The following NCKAP5 variants were observed in gnomAD, a reference collection of about 807,000 sequenced individuals.
The protein encoded by NCKAP5 is nck-associated protein 5.
A neutral mutation model predicts 167.0 loss-of-function variants in NCKAP5; 92 were observed. That is an observed-to-expected ratio of 0.55 (90% CI 0.47 to 0.66). The LOEUF (loss-of-function observed/expected upper bound fraction) is 0.66. NCKAP5 is among the 30% of genes least tolerant of loss of function. The pLI is 0.00. For synonymous variants in NCKAP5, 891 were observed against 877.4 expected (o/e 1.02, Z -0.27); for missense variants, 2,378 against 2,315.0 (o/e 1.03, Z -0.56).
At chr2:132,951,386 G>T (rs186115141) in intron 8 of NCKAP5, among the ~76,000 whole-genome samples, 44 of 152,270 alleles carry the variant, frequency 2.9e-4, no homozygotes, top group African/African-American at 9.4e-4. Flanking sequence ...TGAAACAGGA[G>T]TAATTACCAA....
intron 17 of NCKAP5, among the ~76,000 whole-genome samples, chr2:132,731,300 C>A (rs991536640): frequency 5.9e-5 from 9 of 152,176 alleles, no homozygotes; most frequent in African/African-American, 2.2e-4. Flanking sequence ...CAAACTATGT[C>A]TTTTATAGTT....
chr2:133,271,775 T>C (rs1015426707), intron 4 of NCKAP5, among the ~76,000 whole-genome samples: 6 of 152,190 alleles, frequency 3.9e-5, no homozygotes, highest in Non-Finnish European at 7.3e-5. Context: ...TATTAGCTGA[T>C]ATAATAGAAT....
At chr2:132,834,786 C>T (rs11891875) in intron 11 of NCKAP5, among the ~76,000 whole-genome samples, 4,591 of 152,218 alleles carry the variant, frequency 0.03, 225 homozygotes, top group African/African-American at 0.1. Flanking sequence ...CTACCACACC[C>T]GGTCTGAATG....
At chr2:133,636,175 T>G in the NCKAP5 span, among the ~76,000 whole-genome samples, 4 of 152,170 alleles carry the variant, frequency 2.6e-5, no homozygotes, top group Non-Finnish European at 4.4e-5. Flanking sequence ...AGGACAAGAA[T>G]AGTCATGAGG....
At chr2:133,041,854 A>AT (rs1024946231) in intron 6 of NCKAP5, among the ~76,000 whole-genome samples, 5 of 152,208 alleles carry the variant, frequency 3.3e-5, no homozygotes, top group African/African-American at 7.2e-5. Flanking sequence ...AACAATGTAC[A>AT]TTTTTTGTAA....
intron 3 of NCKAP5, among the ~76,000 whole-genome samples, chr2:133,368,225 T>C (rs1187164200): frequency 6.6e-6 from 1 of 152,234 alleles, no homozygotes; most frequent in Non-Finnish European, 1.5e-5. Context: ...AGTGAAAATA[T>C]GTCCACCTTA....
rs767227452 is a variant in NCKAP5, at chr2:132,725,724, G to T, written c.5616C>A (p.Ser1872Arg). The T allele has an allele frequency of 3.1e-6, 5 of 1,613,538 alleles. No homozygotes were observed. Among genetic ancestry groups the T allele is most frequent in the Non-Finnish European group, 3.4e-6 (4 of 1,179,732 alleles). Reference protein sequence around the residue: ...KAPRMCTYSASGGSNSDSDLD... With the variant: ...KAPRMCTYSARGGSNSDSDLD... The stretch of plus-strand genomic sequence containing the variant: ...GGTCACTGTCACTATTACTGCCACC[G>T]CTGGCAGAGTACGTACACATTCTGG... The change falls in exon 19 of 20, where the codon AGC (serine) becomes AGA (arginine). Residue 1872 changes from serine to arginine, a missense_variant. Ser to Arg is a moderately radical substitution (Grantham distance 110). Transcript: ENST00000409261.
chr2:133,592,215 T>A, the NCKAP5 span, among the ~76,000 whole-genome samples: 1 of 152,174 alleles, frequency 6.6e-6, no homozygotes, highest in African/African-American at 2.4e-5. Context: ...AGTTCAGGTG[T>A]TTTCAAACCC....
At chr2:133,224,486 T>A (rs776694422) in intron 4 of NCKAP5, among the ~76,000 whole-genome samples, 1 of 152,226 alleles carries the variant, frequency 6.6e-6, no homozygotes, top group Non-Finnish European at 1.5e-5. Context: ...ACTACAACAG[T>A]CATATGTGTA....
chr2:133,447,118 G>A (rs1454688491), intron 3 of NCKAP5, among the ~76,000 whole-genome samples: 20 of 152,120 alleles, frequency 1.3e-4, no homozygotes, highest in Admixed American at 1.2e-3. Context: ...GGCTTCATGG[G>A]AGGAACACAC....
chr2:133,228,425 G>C (rs1387096528), intron 4 of NCKAP5, among the ~76,000 whole-genome samples: 1 of 151,976 alleles, frequency 6.6e-6, no homozygotes, highest in African/African-American at 2.4e-5. Flanking sequence ...TACTAACATT[G>C]AGCCTACATC....
chr2:132,789,269 G>T (rs1683853098), intron 13 of NCKAP5, among the ~76,000 whole-genome samples: 1 of 152,200 alleles, frequency 6.6e-6, no homozygotes, highest in Non-Finnish European at 1.5e-5. Context: ...TGTCCAGTCT[G>T]TTCCAAACCA....
intron 19 of NCKAP5, among the ~76,000 whole-genome samples, chr2:132,678,993 T>G (rs1228801019): frequency 6.6e-6 from 1 of 152,148 alleles, no homozygotes; most frequent in East Asian, 1.9e-4. Context: ...CGTCTATTAT[T>G]GGAATTTGAG....
chr2:132,895,136 C>T (rs1271329070), intron 8 of NCKAP5, among the ~76,000 whole-genome samples: 8 of 151,914 alleles, frequency 5.3e-5, no homozygotes, highest in African/African-American at 1.7e-4. Flanking sequence ...TGGAGACCTT[C>T]CTGGCTAACA....
At chr2:132,942,353 C>T (rs1185206198) in intron 8 of NCKAP5, among the ~76,000 whole-genome samples, 1 of 151,904 alleles carries the variant, frequency 6.6e-6, no homozygotes, top group African/African-American at 2.4e-5. Flanking sequence ...CTCTCCAGGT[C>T]TCTGATTCTG....
At chr2:132,810,324 T>C (rs998693489) in intron 11 of NCKAP5, among the ~76,000 whole-genome samples, 2 of 152,232 alleles carry the variant, frequency 1.3e-5, no homozygotes, top group Non-Finnish European at 2.9e-5. Context: ...AGGTCTCTAG[T>C]GAGGCCAGGA....
the NCKAP5 span, among the ~76,000 whole-genome samples, chr2:133,673,280 G>A: frequency 2.6e-5 from 4 of 152,094 alleles, no homozygotes; most frequent in Non-Finnish European, 5.9e-5. Context: ...GTGAACCTCC[G>A]TGGCCATGGT....
intron 3 of NCKAP5, among the ~76,000 whole-genome samples, chr2:133,351,255 G>A (rs545138652): frequency 6.6e-6 from 1 of 152,090 alleles, no homozygotes; most frequent in African/African-American, 2.4e-5. Flanking sequence ...CACTCACAGG[G>A]TTTTCTCTGC....
At chr2:133,211,223 C>T (rs995208901) in intron 5 of NCKAP5, among the ~76,000 whole-genome samples, 18 of 151,980 alleles carry the variant, frequency 1.2e-4, no homozygotes, top group Non-Finnish European at 5.9e-5. Flanking sequence ...TACTACTATG[C>T]CTGTTCTATT....
Sources: allele counts gnomAD v4.1 joint callset (sites outside exome capture counted in the v4.1 genomes callset), GRCh38; gene constraint gnomAD v4.1.1; transcripts MANE v1.5; gene names NCBI Gene and HGNC (gene_info 2026-07-23, HGNC 2026-07-21).